VDR: variants seen among roughly 807,000 people sequenced by gnomAD.
VDR encodes vitamin D3 receptor.
VDR carries 19 observed loss-of-function variants against 39.7 expected under a neutral mutation model. The ratio of observed to expected loss-of-function variants is 0.48; its 90% CI spans 0.33 to 0.70. VDR has a LOEUF of 0.70. Among genes scored for constraint, VDR ranks in the 30% least tolerant of loss-of-function variants. VDR has a pLI of 0.02. For missense variants in VDR, 442 were observed against 570.5 expected, an observed-to-expected ratio of 0.77 and a Z score of 2.29; for synonymous variants, 242 against 215.8, an observed-to-expected ratio of 1.12 and a Z score of -1.07.
intron 3 of VDR, among the ~76,000 whole-genome samples, chr12:47,866,017 G>A (rs997890617): frequency 6.0e-5 from 9 of 149,248 alleles, no homozygotes; most frequent in African/African-American, 1.5e-4. Flanking sequence ...GCACAGCCAC[G>A]CCCCGACTCT....
chr12:47,873,068 C>T (rs964355173), intron 3 of VDR, among the ~76,000 whole-genome samples: 1 of 152,198 alleles, frequency 6.6e-6, no homozygotes, highest in African/African-American at 2.4e-5. Context: ...GTGTCCCCAC[C>T]CAAATCCCAT....
intron 7 of VDR, among the ~76,000 whole-genome samples, chr12:47,848,782 G>A (rs1225713590): frequency 6.6e-6 from 1 of 151,920 alleles, no homozygotes; most frequent in African/African-American, 2.4e-5. Context: ...GGCCAGGCTG[G>A]TCTCGAACTC....
At chr12:47,892,573 G>A (rs1003038125) in intron 1 of VDR, among the ~76,000 whole-genome samples, 1 of 152,310 alleles carries the variant, frequency 6.6e-6, no homozygotes, top group Middle Eastern at 3.4e-3. Context: ...ATTGACTCTG[G>A]CCTCTGCTGC....
At chr12:47,872,326 C>A (rs1945900547) in intron 3 of VDR, among the ~76,000 whole-genome samples, 2 of 152,064 alleles carry the variant, frequency 1.3e-5, no homozygotes, top group African/African-American at 4.8e-5. Flanking sequence ...CAAAGGAAAC[C>A]CTAAATAAAG....
At chr12:47,875,984 T>C (rs1469540418) in intron 3 of VDR, among the ~76,000 whole-genome samples, 2 of 152,132 alleles carry the variant, frequency 1.3e-5, no homozygotes, top group Non-Finnish European at 2.9e-5. Context: ...GCACTACGCT[T>C]GGGAACTGTT....
chr12:47,891,209 A>G (rs1189486602), intron 1 of VDR, among the ~76,000 whole-genome samples: 1 of 152,158 alleles, frequency 6.6e-6, no homozygotes, highest in African/African-American at 2.4e-5. Flanking sequence ...CACTGTTCAG[A>G]TGCCCCCAGA....
At chr12:47,882,625 C>CAGGG in intron 2 of VDR, 69 bp downstream of exon 2, 1 of 526,224 alleles carries the variant, frequency 1.9e-6, no homozygotes, top group South Asian at 1.8e-5. Context: ...CTTCTTATGC[C>CAGGG]CCTCCCCCCC....
Position 47,852,976 on chromosome 12 carries a change from G to C in VDR, c.755+2654C>G, listed in dbSNP as rs111325133. On this transcript the variant is annotated intron_variant, in intron 7 of 9. Transcript: ENST00000549336. ...TTCTGCCGTAAATACAGCTATTGCT[G>C]CTACTTGAAAGACAATAACATTGCT... Among the ~76,000 whole-genome samples the C allele has an allele frequency of 7.0e-3, 1,071 of 152,256 alleles. 16 individuals carry two copies. Among genetic ancestry groups the C allele is most frequent in the African/African-American group, 0.024 (1,007 of 41,550 alleles).
chr12:47,879,977 G>C (rs1036369562), intron 2 of VDR, among the ~76,000 whole-genome samples: 1 of 152,132 alleles, frequency 6.6e-6, no homozygotes, highest in African/African-American at 2.4e-5. Flanking sequence ...CAGCTGGCTT[G>C]ACTCTTTCAT....
intron 1 of VDR, among the ~76,000 whole-genome samples, chr12:47,904,217 G>C (rs561411390): frequency 6.6e-6 from 1 of 151,982 alleles, no homozygotes; most frequent in Non-Finnish European, 1.5e-5. Flanking sequence ...CCTGGGTGAA[G>C]AGAAGGAGGG....
At chr12:47,857,033 G>C (rs1380941234) in intron 6 of VDR, 96 bp downstream of exon 6, 6 of 1,577,310 alleles carry the variant, frequency 3.8e-6, no homozygotes, top group Non-Finnish European at 5.2e-6. Flanking sequence ...CCATTAGGGA[G>C]CCTTCCACCT....
At chr12:47,887,335 A>AAAAAAAC (rs1565632579) in intron 1 of VDR, among the ~76,000 whole-genome samples, 9 of 150,370 alleles carry the variant, frequency 6.0e-5, no homozygotes, top group African/African-American at 2.2e-4. Context: ...AAAAAAAAAA[A>AAAAAAAC]AAAAAACAAA....
At chr12:47,863,329 C>T (rs1945662627) in intron 4 of VDR, among the ~76,000 whole-genome samples, 1 of 152,246 alleles carries the variant, frequency 6.6e-6, no homozygotes, top group Non-Finnish European at 1.5e-5. Flanking sequence ...AAGACATCCT[C>T]TTCCTCCTGA....
intron 4 of VDR, 136 bp downstream of exon 4, chr12:47,864,911 G>T: frequency 6.8e-7 from 1 of 1,468,184 alleles, no homozygotes; most frequent in Non-Finnish European, 9.4e-7. Flanking sequence ...TGGTCCCACT[G>T]AGGCCCTGGC....
At chr12:47,857,888 C>T (rs528462660) in intron 4 of VDR, among the ~76,000 whole-genome samples, 200 bp from the exon 5 acceptor site, 2 of 152,000 alleles carry the variant, frequency 1.3e-5, no homozygotes, top group African/African-American at 2.4e-5. Context: ...AAGGCACATG[C>T]AAGAAGAAGA....
intron 1 of VDR, among the ~76,000 whole-genome samples, chr12:47,890,528 C>T (rs1369862639): frequency 1.3e-5 from 2 of 152,054 alleles, no homozygotes; most frequent in Admixed American, 6.6e-5. Context: ...GACTAGAGCC[C>T]CAAGGCAGTG....
At position 47,872,670 on chromosome 12, in the gene VDR, C is replaced by A. The variant is rs144093805; in HGVS notation, c.146+6298G>T. The stretch of plus-strand genomic sequence containing the variant: ...AGCTCTCTCAGAGCCCCTGGCCCAG[C>A]CCTTCCCTCTTCATACCTGATATTT... On this transcript the variant is annotated intron_variant, in intron 3 of 9. Transcript: ENST00000549336. Among the ~76,000 whole-genome samples, 16 of 152,336 alleles carry A rather than the reference C, an allele frequency of 1.1e-4. No individual in the cohort carries two copies. In the East Asian group the frequency reaches 3.1e-3, roughly 29 times the overall value.
intron 1 of VDR, chr12:47,896,818 G>GGGCAGAAGTCACTTCCTGCCCCT (rs1225930061): frequency 5.3e-5 from 8 of 152,182 alleles, no homozygotes; most frequent in Middle Eastern, 3.2e-3. Flanking sequence ...CAAAGAGGCT[G>GGGCAGAAGTCACTTCCTGCCCCT]GGCAGAAGTC....
At chr12:47,862,941 T>C (rs1403440810) in intron 4 of VDR, among the ~76,000 whole-genome samples, 1 of 152,190 alleles carries the variant, frequency 6.6e-6, no homozygotes, top group African/African-American at 2.4e-5. Flanking sequence ...TAGAACTGAG[T>C]ACTGCTCCCT....
Sources: gnomAD v4.1 joint callset for allele counts (sites outside exome capture counted in the v4.1 genomes callset) on GRCh38, gnomAD v4.1.1 for gene constraint, MANE v1.5 for transcripts, NCBI Gene and HGNC (gene_info 2026-07-23, HGNC 2026-07-21) for gene names.